The following SCARB2 variants were observed in gnomAD, a reference collection of about 807,000 sequenced individuals.
SCARB2 encodes the protein lysosome membrane protein 2.
In SCARB2, 29 loss-of-function variants were observed where a neutral mutation model predicts 58.6. The ratio of observed to expected loss-of-function variants is 0.49; its 90% CI spans 0.37 to 0.67. The LOEUF is 0.67. Among genes scored for constraint, SCARB2 ranks in the 30% least tolerant of loss-of-function variants. The pLI is 0.00. For synonymous variants in SCARB2, 195 were observed against 210.1 expected (o/e 0.93, Z 0.62); for missense variants, 488 against 578.5 (o/e 0.84, Z 1.60).
At chr4:76,167,684 C>T (rs1377164033) in intron 9 of SCARB2, among the ~76,000 whole-genome samples, 29 of 91,316 alleles carry the variant, frequency 3.2e-4, no homozygotes, top group African/African-American at 1.2e-3. Flanking sequence ...CCCCCCCCCG[C>T]TTTTTTTTTT....
rs1231616871 is a variant in SCARB2, at chr4:76,161,084, C to G, written c.*629G>C. ...ATCAACTCATGGGTATTGCCCCACC[C>G]AACCCCTTTCCCATTTGATTCTACC... On this transcript the variant is annotated 3_prime_UTR_variant, in exon 12 of 12. Transcript: ENST00000264896. 1 of 155,802 alleles carries G rather than the reference C, an allele frequency of 6.4e-6. No individual in the cohort carries two copies. Among genetic ancestry groups the G allele is most frequent in the East Asian group, 1.9e-4 (1 of 5,234 alleles). 9.7% of individuals were successfully genotyped at this position (155,802 alleles called of 1,614,324 possible).
In SCARB2 at chr4:76,161,800, T is replaced by TA. The variant is rs777865666; in HGVS notation, c.1399-50_1399-49insT. 1.9e-6 allele frequency: 3 copies of TA among 1,603,410 alleles called. No homozygotes were observed. In the South Asian group the frequency reaches 3.3e-5, roughly 18 times the overall value. ...AAGTTAGATGTTCATGTCAGAAACT[T>TA]CTCCCCAGTGTGAAAAGTTTGGGTG... On this transcript the variant is annotated intron_variant, in intron 11 of 11. Coordinates refer to ENST00000264896, the MANE Select transcript of SCARB2 (RefSeq NM_005506.4).
At chr4:76,170,307 G>A (rs1173344785) in intron 7 of SCARB2, among the ~76,000 whole-genome samples, 1 of 152,190 alleles carries the variant, frequency 6.6e-6, no homozygotes, top group African/African-American at 2.4e-5. Flanking sequence ...GCTCCCAACA[G>A]CCCAGTAAAG....
chr4:76,170,109 C>T, intron 7 of SCARB2, 124 bp from the exon 8 acceptor site: 1 of 791,252 alleles, frequency 1.3e-6, no homozygotes. Context: ...TATAAATTAA[C>T]TTGGGTAGGC....
intron 1 of SCARB2, among the ~76,000 whole-genome samples, chr4:76,224,634 T>C (rs1733364193): frequency 6.6e-6 from 1 of 152,156 alleles, no homozygotes. Context: ...ATGATTTTGG[T>C]TCACTGCAAC....
intron 1 of SCARB2, among the ~76,000 whole-genome samples, chr4:76,211,271 A>T (rs181997447): frequency 7.5e-4 from 115 of 152,350 alleles, no homozygotes; most frequent in African/African-American, 2.7e-3. Context: ...TAACTTTGCG[A>T]GTTTCATGGT....
intron 7 of SCARB2, among the ~76,000 whole-genome samples, chr4:76,171,608 T>G (rs928824014): frequency 2.6e-5 from 4 of 152,228 alleles, no homozygotes; most frequent in African/African-American, 9.6e-5. Context: ...AGTAGAATAC[T>G]TCTGTTGATT....
At chr4:76,163,051 C>A (rs1258678628) in intron 11 of SCARB2, 174 bp downstream of exon 11, 10 of 752,724 alleles carry the variant, frequency 1.3e-5, no homozygotes, top group Non-Finnish European at 2.2e-5. Flanking sequence ...CTTTGACACA[C>A]TTCCTTTGCT....
At chr4:76,198,846 G>C (rs1014910190) in intron 1 of SCARB2, among the ~76,000 whole-genome samples, 13 of 138,588 alleles carry the variant, frequency 9.4e-5, no homozygotes, top group Non-Finnish European at 7.7e-5. Context: ...GAGTGAGTGT[G>C]TGTGTGTGTG....
At position 76,186,800 on chromosome 4, in the gene SCARB2, A is replaced by AT. The variant is rs61446152; in HGVS notation, c.276-5700dup. 6.5e-3 allele frequency among the ~76,000 whole-genome samples: 976 copies of AT among 150,346 alleles called. 20 individuals are homozygous for AT. The highest frequency in any genetic ancestry group is 0.022 in the African/African-American group (901 of 40,958). On this transcript the variant is annotated intron_variant, in intron 2 of 11. Coordinates refer to ENST00000264896, the MANE Select transcript of SCARB2 (RefSeq NM_005506.4). ...AAGATGGTGTGAGAGATCTTTTTCT[A>AT]TTTTTTTTTACTTCTGAGCAGTTTA... is the stretch of plus-strand genomic sequence containing the variant.
intron 1 of SCARB2, among the ~76,000 whole-genome samples, chr4:76,197,750 A>G (rs1732743142): frequency 6.6e-6 from 1 of 152,150 alleles, no homozygotes; most frequent in East Asian, 1.9e-4. Flanking sequence ...ACAAACCAAA[A>G]TGTGAACTTT....
chr4:76,163,078 A>G, intron 11 of SCARB2, 147 bp downstream of exon 11: 1 of 969,094 alleles, frequency 1.0e-6, no homozygotes, highest in South Asian at 1.4e-5. Flanking sequence ...TTGGTCCAGC[A>G]GTAAAATAAG....
At chr4:76,166,171 G>A (rs1462072245) in intron 10 of SCARB2, 79 bp downstream of exon 10, 15 of 1,361,340 alleles carry the variant, frequency 1.1e-5, no homozygotes, top group Non-Finnish European at 1.5e-5. Flanking sequence ...TAACTTACAT[G>A]TAACTACAAC....
intron 4 of SCARB2, among the ~76,000 whole-genome samples, chr4:76,178,193 C>T (rs1325664235): frequency 3.9e-5 from 6 of 152,188 alleles, no homozygotes; most frequent in African/African-American, 1.4e-4. Flanking sequence ...CTTAAGGGCA[C>T]ATACAGACAC....
intron 2 of SCARB2, among the ~76,000 whole-genome samples, chr4:76,183,295 A>G (rs2109950751): frequency 6.6e-6 from 1 of 152,328 alleles, no homozygotes; most frequent in Non-Finnish European, 1.5e-5. Flanking sequence ...CTACTTGGAC[A>G]TAGCATCAGA....
intron 1 of SCARB2, among the ~76,000 whole-genome samples, chr4:76,198,251 C>T (rs184422379): frequency 1.3e-5 from 2 of 152,312 alleles, no homozygotes; most frequent in Admixed American, 1.3e-4. Context: ...TGAAGAAAAT[C>T]ACCTCAGAAT....
At chr4:76,224,777 TGGGGAACA>T (rs1438730266) in intron 1 of SCARB2, among the ~76,000 whole-genome samples, 1 of 152,080 alleles carries the variant, frequency 6.6e-6, no homozygotes, top group Non-Finnish European at 1.5e-5. Context: ...CAGAAGTTTT[TGGGGAACA>T]GGTGGTGTTT....
At position 76,213,427 on chromosome 4, in the gene SCARB2, C is replaced by T. The variant is rs1006710581; in HGVS notation, c.117G>A (p.Lys39=). 6.2e-6 allele frequency: 10 copies of T among 1,605,482 alleles called. No individual in the cohort carries two copies. In the African/African-American group the frequency reaches 1.1e-4, roughly 17 times the overall value. The part of the protein sequence containing the change: ...FQKAVDQSIE[K]KIVLRNGTEA... Reference sequence around the variant, plus strand: ...ACACACACAGCCCGCCCCGCCTCACCTTCTCGATACTCTGGTCTACAGCCT... The same window carrying T: ...ACACACACAGCCCGCCCCGCCTCACTTTCTCGATACTCTGGTCTACAGCCT... The change falls in exon 1 of 12, where the codon AAG becomes AAA. Residue 39 remains lysine (K), a splice_region_variant and synonymous_variant. Transcript: ENST00000264896.
chr4:76,203,588 C>G (rs1198782346), intron 1 of SCARB2, among the ~76,000 whole-genome samples: 2 of 152,194 alleles, frequency 1.3e-5, no homozygotes, highest in African/African-American at 4.8e-5. Context: ...AATCTTCAAC[C>G]AGCATAAGCT....
Sources: allele counts gnomAD v4.1 joint callset (sites outside exome capture counted in the v4.1 genomes callset), GRCh38; gene constraint gnomAD v4.1.1; transcripts MANE v1.5; gene names NCBI Gene and HGNC (gene_info 2026-07-23, HGNC 2026-07-21).